SAYSD1: variants seen among roughly 807,000 people sequenced by gnomAD.
SAYSD1 encodes the protein SAYSVFN motif domain containing 1, also known as SAYSvFN domain-containing protein 1.
SAYSD1 carries 15 observed loss-of-function variants against 14.5 expected under a neutral mutation model. The observed-to-expected ratio is 1.03, with a 90% CI of 0.69 to 1.59. The LOEUF is 1.59. SAYSD1 is among the 40% of genes most tolerant of loss of function. The pLI is 0.00. For synonymous variants in SAYSD1, 105 were observed against 102.6 expected, an observed-to-expected ratio of 1.02 and a Z score of -0.14; for missense variants, 247 against 227.3, an observed-to-expected ratio of 1.09 and a Z score of -0.56.
rs568745979 is a variant in SAYSD1, at chr6:39,111,334, C to T, written c.207+3549G>A. On this transcript the variant is annotated intron_variant, in intron 1 of 1. Transcript: ENST00000229903. ...GACATCAGAGGAAGAACAGGAAAAGCTTGAAAGTGAAAATAAACAGCCACA... is the reference window on the plus strand; with the variant it reads ...GACATCAGAGGAAGAACAGGAAAAGTTTGAAAGTGAAAATAAACAGCCACA... 1.7e-3 allele frequency: 260 copies of T among 151,434 alleles called. 2 individuals carry two copies. Among genetic ancestry groups the T allele is most frequent in the African/African-American group, 6.2e-3 (254 of 41,252 alleles). The allele number at this position is 151,434 out of a possible 1,614,324, so 9.4% of individuals were successfully genotyped here.
intron 1 of SAYSD1, chr6:39,109,596 C>G: frequency 7.3e-7 from 1 of 1,364,208 alleles, no homozygotes. Context: ...TGTGCATATA[C>G]ATTACAGTTT....
chr6:39,108,668 G>A (rs750357839), intron 1 of SAYSD1, among the ~76,000 whole-genome samples: 4 of 152,130 alleles, frequency 2.6e-5, no homozygotes, highest in Non-Finnish European at 4.4e-5. Context: ...TGAGAGGAAT[G>A]CTCCCTTCCC....
rs1355703909 is a variant in SAYSD1, at chr6:39,105,396, C to A, written c.*36G>T. 4 of 1,576,468 alleles carry A rather than the reference C, an allele frequency of 2.5e-6. No homozygotes were observed. In the South Asian group the frequency reaches 3.4e-5, roughly 13 times the overall value. ...CCATAGCCAATGGTGAGGAAGACCA[C>A]ATCAGAGGTTAGCTGCATGACAGCA... is the stretch of plus-strand genomic sequence containing the variant. On this transcript the variant is annotated 3_prime_UTR_variant, in exon 2 of 2. Coordinates refer to ENST00000229903, the MANE Select transcript of SAYSD1 (RefSeq NM_018322.3).
intron 1 of SAYSD1, among the ~76,000 whole-genome samples, chr6:39,108,199 A>G (rs1176927237): frequency 6.6e-6 from 1 of 152,198 alleles, no homozygotes; most frequent in Non-Finnish European, 1.5e-5. Flanking sequence ...CTTCCAATGT[A>G]TGAACTCTGG....
rs760825353 is a variant in SAYSD1, at chr6:39,105,479, C to A, written c.505G>T (p.Glu169Ter). The A allele has an allele frequency of 8.7e-6, 14 of 1,614,248 alleles. No homozygotes were observed. In the Admixed American group the frequency reaches 2.2e-4, roughly 25 times the overall value. The change falls in exon 2 of 2, where the codon GAG (glutamate) becomes TAG (stop). Residue 169 changes from glutamate to a stop codon, truncating the protein, a stop_gained. Transcript: ENST00000229903. LOFTEE classifies it high-confidence loss of function. Reference sequence around the variant, plus strand: ...AACTGTAACTCGCGCTCCAACTGCTCTGCAGTCAGGGTGCCCTGGATGGCT... The same window carrying A: ...AACTGTAACTCGCGCTCCAACTGCTATGCAGTCAGGGTGCCCTGGATGGCT... ...CEAIQGTLTA[E>*]QLERELQLRP... is the part of the protein sequence containing the mutation.
intron 1 of SAYSD1, chr6:39,109,272 A>C (rs200561585): frequency 6.6e-7 from 1 of 1,524,684 alleles, no homozygotes; most frequent in Non-Finnish European, 8.9e-7. Flanking sequence ...ATATGGCTGG[A>C]GAGGGAAGCA....
rs143328866 is a variant in SAYSD1 at position 39,105,288 on chromosome 6, A to G, written c.*144T>C. On this transcript the variant is annotated 3_prime_UTR_variant, in exon 2 of 2. Coordinates refer to ENST00000229903, the MANE Select transcript of SAYSD1 (RefSeq NM_018322.3). ...ATCAAAGATCAAATGGCAGCAAAAGATCAGGGAAAGAAGGTAGAAAAACTA... is the reference window on the plus strand; with the variant it reads ...ATCAAAGATCAAATGGCAGCAAAAGGTCAGGGAAAGAAGGTAGAAAAACTA... 4.5e-6 allele frequency: 3 copies of G among 662,990 alleles called. No homozygotes were observed. In the East Asian group the frequency reaches 8.0e-5, roughly 18 times the overall value. The allele number at this position is 662,990 out of a possible 1,614,324, so 41.1% of individuals were successfully genotyped here. A position where few individuals can be genotyped will look rare whatever the true frequency, so the allele number is the denominator to read the frequency against.
At chr6:39,108,288 A>G (rs924357051) in intron 1 of SAYSD1, among the ~76,000 whole-genome samples, 2 of 152,126 alleles carry the variant, frequency 1.3e-5, no homozygotes, top group Non-Finnish European at 2.9e-5. Context: ...CCCTAAAGCC[A>G]TAAAACTAGT....
intron 1 of SAYSD1, 106 bp downstream of exon 1, chr6:39,114,777 G>A: frequency 8.7e-7 from 1 of 1,145,288 alleles, no homozygotes; most frequent in Non-Finnish European, 1.3e-6. Context: ...TGGGGGGCCA[G>A]TAGCCCCGCC....
chr6:39,111,368 A>C (rs2113739739), intron 1 of SAYSD1: 1 of 152,220 alleles, frequency 6.6e-6, no homozygotes, highest in Middle Eastern at 3.4e-3. Flanking sequence ...CAGGTTGAAG[A>C]AGCTAGAAAG....
At chr6:39,113,424 G>C (rs754362326) in intron 1 of SAYSD1, 2 of 152,510 alleles carry the variant, frequency 1.3e-5, no homozygotes, top group Non-Finnish European at 2.9e-5. Context: ...ACTAGAGGCA[G>C]AATCTGAAGA....
At chr6:39,112,187 G>C (rs934921024) in intron 1 of SAYSD1, 1 of 152,354 alleles carries the variant, frequency 6.6e-6, no homozygotes, top group Admixed American at 6.5e-5. Context: ...AGGGAAAAAG[G>C]ACATTGAAAT....
Position 39,104,267 on chromosome 6 carries a change from G to C in SAYSD1, c.*1165C>G, listed in dbSNP as rs1198617978. On this transcript the variant is annotated 3_prime_UTR_variant, in exon 2 of 2. Coordinates refer to ENST00000229903, the MANE Select transcript of SAYSD1 (RefSeq NM_018322.3). Reference sequence around the variant, plus strand: ...TGAGGAAGGGCAACACATATCAGAAGAATTTTCAGCAAGGGCTGAAACACA... The same window carrying C: ...TGAGGAAGGGCAACACATATCAGAACAATTTTCAGCAAGGGCTGAAACACA... 6.6e-6 allele frequency: 1 copy of C among 151,984 alleles called. No individual in the cohort carries two copies. The highest frequency in any genetic ancestry group is 2.4e-5 in the African/African-American group (1 of 41,286). The allele number at this position is 151,984 out of a possible 1,614,324, so 9.4% of individuals were successfully genotyped here.
At chr6:39,108,508 G>A (rs973814084) in intron 1 of SAYSD1, among the ~76,000 whole-genome samples, 9 of 152,170 alleles carry the variant, frequency 5.9e-5, no homozygotes, top group East Asian at 3.9e-4. Flanking sequence ...GGAACTTGTC[G>A]GAGTACCAGT....
intron 1 of SAYSD1, chr6:39,110,900 A>T (rs986269409): frequency 1.3e-5 from 2 of 152,156 alleles, no homozygotes; most frequent in African/African-American, 4.8e-5. Context: ...ATTTTGCAAC[A>T]TTAAAAAAAA....
At chr6:39,108,866 T>C (rs1402027065) in intron 1 of SAYSD1, among the ~76,000 whole-genome samples, 1 of 152,140 alleles carries the variant, frequency 6.6e-6, no homozygotes, top group Non-Finnish European at 1.5e-5. Flanking sequence ...ACTATCACAG[T>C]CTACTGGTTT....
Position 39,105,312 on chromosome 6 carries a change from T to C in SAYSD1, c.*120A>G, listed in dbSNP as rs1290615585. 9.3e-6 allele frequency: 7 copies of C among 753,422 alleles called. No individual in the cohort carries two copies. Among genetic ancestry groups the C allele is most frequent in the East Asian group, 7.5e-5 (3 of 40,030 alleles). The allele number at this position is 753,422 out of a possible 1,614,324, so 46.7% of individuals were successfully genotyped here. ...GATCAGGGAAAGAAGGTAGAAAAAC[T>C]ATGCAGTCACAGAGCTAACCCGCAA... On this transcript the variant is annotated 3_prime_UTR_variant, in exon 2 of 2. Transcript: ENST00000229903.
At chr6:39,108,706 C>T (rs1769551976) in intron 1 of SAYSD1, among the ~76,000 whole-genome samples, 1 of 152,116 alleles carries the variant, frequency 6.6e-6, no homozygotes, top group Non-Finnish European at 1.5e-5. Flanking sequence ...ACCCCTCCTA[C>T]TACAAACGGC....
chr6:39,114,973 C>CGCT lies in SAYSD1; in HGVS notation c.114_116dup (p.Ala39dup). 1 of 1,613,914 alleles carries CGCT rather than the reference C, an allele frequency of 6.2e-7. No individual in the cohort carries two copies. On this transcript the variant is annotated inframe_insertion, in exon 1 of 2. Transcript: ENST00000229903. ...GCCAGCCTGGGGCTGCCTTTAGAGT[C>CGCT]GCTGCTGCTTCCGCCTTCTCTCCTG...
Sources: gnomAD v4.1 joint callset for allele counts (sites outside exome capture counted in the v4.1 genomes callset) on GRCh38, gnomAD v4.1.1 for gene constraint, MANE v1.5 for transcripts, NCBI Gene and HGNC (gene_info 2026-07-23, HGNC 2026-07-21) for gene names.